Variants in NEBL observed in about 807,000 individuals in gnomAD.
NEBL encodes LIM and SH3 protein 2.
A neutral mutation model predicts 140.2 loss-of-function variants in NEBL; 122 were observed. That is an observed-to-expected ratio of 0.87 (90% CI 0.75 to 1.01). The LOEUF (loss-of-function observed/expected upper bound fraction) is 1.01. Ranked by LOEUF, NEBL falls within the 50% of genes least tolerant of loss-of-function variation. NEBL has a pLI of 0.00. For synonymous variants in NEBL, 436 were observed against 398.9 expected, an observed-to-expected ratio of 1.09 and a Z score of -1.11; for missense variants, 1,365 against 1,231.3, an observed-to-expected ratio of 1.11 and a Z score of -1.62.
intron 5 of NEBL, among the ~76,000 whole-genome samples, chr10:20,873,491 G>C (rs1219136028): frequency 6.6e-6 from 1 of 151,846 alleles, no homozygotes; most frequent in African/African-American, 2.4e-5. Flanking sequence ...GAGGAGGAGG[G>C]GGAAAAGAGG....
At chr10:20,796,742 A>G (rs991962617) in intron 26 of NEBL, among the ~76,000 whole-genome samples, 2 of 152,110 alleles carry the variant, frequency 1.3e-5, no homozygotes, top group Admixed American at 6.6e-5. Flanking sequence ...TTCTCATTTT[A>G]TCTCTCTTAG....
chr10:20,879,605 A>G (rs1292619747), intron 5 of NEBL, among the ~76,000 whole-genome samples: 4 of 152,186 alleles, frequency 2.6e-5, no homozygotes, highest in African/African-American at 9.7e-5. Context: ...GCACAGTGGG[A>G]CTATGGGGGC....
At chr10:21,006,050 C>T (rs1411762049) in intron 3 of NEBL, among the ~76,000 whole-genome samples, 1 of 152,174 alleles carries the variant, frequency 6.6e-6, no homozygotes, top group African/African-American at 2.4e-5. Flanking sequence ...TTTTCTACAT[C>T]TGTGTTTCTC....
Position 20,809,908 on chromosome 10 carries a change from A to G in NEBL, c.2519-10T>C, listed in dbSNP as rs1837965101. 6.3e-7 allele frequency: 1 copy of G among 1,599,008 alleles called. No homozygotes were observed. The highest frequency in any genetic ancestry group is 1.1e-5 in the South Asian group (1 of 90,700). The stretch of plus-strand genomic sequence containing the variant: ...CGCCAAACTTTGAGGTCTTTTGCCA[A>G]AAGGAAGAAATCAACACTCATCAAG... On this transcript the variant is annotated splice_polypyrimidine_tract_variant and intron_variant, in intron 24 of 27. Coordinates refer to ENST00000377122, the MANE Select transcript of NEBL (RefSeq NM_006393.3).
intron 22 of NEBL, among the ~76,000 whole-genome samples, chr10:20,814,599 A>C (rs200302319): frequency 0.015 from 1,752 of 120,340 alleles, 30 homozygotes; most frequent in African/African-American, 0.06. Context: ...CTGTGTCTCA[A>C]ACACACACAT....
chr10:21,033,434 A>G (rs1833878008), intron 2 of NEBL, among the ~76,000 whole-genome samples: 2 of 152,336 alleles, frequency 1.3e-5, no homozygotes, highest in South Asian at 2.1e-4. Context: ...AGAAAAGACC[A>G]TGTGTAGATG....
At chr10:21,232,178 G>T (rs1374356997) in intron 3 of NEBL, among the ~76,000 whole-genome samples, 1 of 151,956 alleles carries the variant, frequency 6.6e-6, no homozygotes, top group Non-Finnish European at 1.5e-5. Flanking sequence ...GCAGGAGGAG[G>T]CAAGAAGAAG....
intron 3 of NEBL, among the ~76,000 whole-genome samples, chr10:21,199,331 A>G (rs1841699127): frequency 6.6e-6 from 1 of 152,118 alleles, no homozygotes; most frequent in Non-Finnish European, 1.5e-5. Flanking sequence ...CTGCATCCCA[A>G]TTGGAATAAT....
Position 21,108,159 on chromosome 10 carries a change from C to T in NEBL, c.164+64224G>A, listed in dbSNP as rs1009713950. Among the ~76,000 whole-genome samples, 8 of 152,238 alleles carry T rather than the reference C, an allele frequency of 5.3e-5. No individual in the cohort carries two copies. The South Asian group carries it at 1.7e-3, about 32-fold the overall frequency. On this transcript the variant is annotated intron_variant, in intron 2 of 6. Transcript: ENST00000417816. ...TGAAGGGGTTTTTATGTCTCTATCTCCTTCAGTTCTGCTCTGATCTTAGTT... is the reference window on the plus strand; with the variant it reads ...TGAAGGGGTTTTTATGTCTCTATCTTCTTCAGTTCTGCTCTGATCTTAGTT...
intron 3 of NEBL, among the ~76,000 whole-genome samples, chr10:20,985,920 G>A (rs1837239763): frequency 6.6e-6 from 1 of 152,080 alleles, no homozygotes; most frequent in South Asian, 2.1e-4. Flanking sequence ...TTTCATTATT[G>A]TTGTTATAAA....
chr10:21,090,180 A>G (rs960353142), intron 2 of NEBL, among the ~76,000 whole-genome samples: 2 of 152,210 alleles, frequency 1.3e-5, no homozygotes, highest in African/African-American at 2.4e-5. Context: ...AAGTGCTTGC[A>G]AAACAGTATT....
chr10:20,903,062 C>G (rs1847937747), intron 4 of NEBL, among the ~76,000 whole-genome samples: 1 of 152,004 alleles, frequency 6.6e-6, no homozygotes, highest in South Asian at 2.1e-4. Flanking sequence ...ATTATAGTAG[C>G]CCCCAGACCT....
chr10:20,939,882 T>A (rs1196983259), intron 4 of NEBL, among the ~76,000 whole-genome samples: 1 of 152,104 alleles, frequency 6.6e-6, no homozygotes, highest in Non-Finnish European at 1.5e-5. Context: ...CAAAAAGAGC[T>A]AACTATCCTA....
At chr10:20,942,708 T>C (rs530000978) in intron 4 of NEBL, among the ~76,000 whole-genome samples, 1 of 152,158 alleles carries the variant, frequency 6.6e-6, no homozygotes, top group African/African-American at 2.4e-5. Context: ...AGGGCTAATA[T>C]CCAGAATCTA....
chr10:21,285,558 C>A (rs2132301828), intron 1 of NEBL, among the ~76,000 whole-genome samples: 1 of 152,310 alleles, frequency 6.6e-6, no homozygotes, highest in South Asian at 2.1e-4. Flanking sequence ...CTAAACTATG[C>A]CCCAACCACC....
At chr10:21,124,361 C>T (rs564204016) in intron 2 of NEBL, among the ~76,000 whole-genome samples, 2 of 152,302 alleles carry the variant, frequency 1.3e-5, no homozygotes, top group South Asian at 4.1e-4. Flanking sequence ...AAATCCAATA[C>T]CAAAGACATT....
intron 2 of NEBL, among the ~76,000 whole-genome samples, chr10:21,060,961 T>C (rs1013305604): frequency 6.6e-6 from 1 of 152,070 alleles, no homozygotes; most frequent in Non-Finnish European, 1.5e-5. Context: ...TACTGGCTAT[T>C]AAGGGTTGAA....
intron 20 of NEBL, among the ~76,000 whole-genome samples, chr10:20,818,234 G>A (rs1040879520): frequency 1.2e-4 from 18 of 149,436 alleles, no homozygotes; most frequent in Admixed American, 4.1e-4. Flanking sequence ...GGAAAAAGAA[G>A]GCTTTTGTTT....
At chr10:20,862,977 C>A (rs1294933566) in intron 7 of NEBL, among the ~76,000 whole-genome samples, 1 of 151,996 alleles carries the variant, frequency 6.6e-6, no homozygotes, top group African/African-American at 2.4e-5. Flanking sequence ...ATAATAATCA[C>A]ATCAGGGAAA....
Sources: allele counts gnomAD v4.1 joint callset (sites outside exome capture counted in the v4.1 genomes callset), GRCh38; gene constraint gnomAD v4.1.1; transcripts MANE v1.5; gene names NCBI Gene and HGNC (gene_info 2026-07-23, HGNC 2026-07-21).